Variants in USP9X observed in about 807,000 individuals in gnomAD.
USP9X encodes the protein ubiquitin specific peptidase 9 X-linked, also known as ubiquitin carboxyl-terminal hydrolase 9X.
Under a neutral mutation model 190.3 loss-of-function variants are expected in USP9X, and 7 were observed. That is an observed-to-expected ratio of 0.04 (90% CI 0.02 to 0.07). The LOEUF (loss-of-function observed/expected upper bound fraction) is 0.07. Ranked by LOEUF, USP9X falls within the 10% of genes least tolerant of loss-of-function variation. The pLI, the probability that USP9X is intolerant of heterozygous loss-of-function variation, is 1.00. For missense variants in USP9X, 1,010 were observed against 1,916.9 expected, an observed-to-expected ratio of 0.53 and a Z score of 8.83; for synonymous variants, 645 against 659.5, an observed-to-expected ratio of 0.98 and a Z score of 0.34.
intron 11 of USP9X, among the ~76,000 whole-genome samples, chrX:41,147,450 GTTTTTTT>G (rs760854080): frequency 2.9e-5 from 2 of 69,766 alleles, no homozygotes; most frequent in South Asian, 1.6e-3. Flanking sequence ...CTTAATCGTT[GTTTTTTT>G]TTTTTTTTTT....
chrX:41,136,991 T>C lies in USP9X; in HGVS notation c.623T>C (p.Phe208Ser), dbSNP rs773488247. 1 of 1,211,784 alleles carries C rather than the reference T, an allele frequency of 8.3e-7. No individual in the cohort carries two copies. The highest frequency in any genetic ancestry group is 1.8e-5 in the South Asian group (1 of 57,005). Residue 208 changes from phenylalanine to serine, a missense_variant, in exon 6 of 45, where the codon TTT (phenylalanine) becomes TCT (serine). By Grantham distance (155) the Phe-to-Ser change is radical. This residue lies in a region of USP9X where 176 missense variants were observed against 247.5 expected (regional missense o/e 0.71). Coordinates refer to ENST00000378308, the MANE Select transcript of USP9X (RefSeq NM_001039591.3). ...SSVQLPEDEL[F>S]ARSPDPRSPK... ...GTTCAGTTGCCTGAAGATGAACTCT[T>C]TGCTCGTTCTCCAGATCCTCGATCA...
rs1263746540 is a variant in USP9X at position 41,085,571 on chromosome X, C to T, written c.-697C>T. 3.8e-6 allele frequency: 1 copy of T among 261,537 alleles called. No homozygotes were observed. Among genetic ancestry groups the T allele is most frequent in the African/African-American group, 2.8e-5 (1 of 35,260 alleles). 21.6% of individuals were successfully genotyped at this position (261,537 alleles called of 1,213,427 possible). The stretch of plus-strand genomic sequence containing the variant: ...AGGGCCTCTGTCGCGCCTAGCCCCT[C>T]CCCGCCTTACACAGCTCCCGGGCCT... On this transcript the variant is annotated 5_prime_UTR_variant, in exon 1 of 45. Transcript: ENST00000378308.
intron 1 of USP9X, among the ~76,000 whole-genome samples, chrX:41,102,200 ATC>A (rs1479057220): frequency 3.6e-5 from 4 of 112,223 alleles, no homozygotes; most frequent in Non-Finnish European, 7.5e-5. Context: ...TATAATGATA[ATC>A]TCATTGATTA....
intron 1 of USP9X, among the ~76,000 whole-genome samples, chrX:41,094,724 C>G (rs192789369): frequency 7.5e-4 from 83 of 109,961 alleles, no homozygotes; most frequent in African/African-American, 2.6e-3. Context: ...ATATTACTTG[C>G]GGGTGAGTGA....
At chrX:41,120,799 A>T (rs1205095481) in intron 1 of USP9X, among the ~76,000 whole-genome samples, 3 of 107,084 alleles carry the variant, frequency 2.8e-5, no homozygotes, top group Non-Finnish European at 5.8e-5. Context: ...CGCCCAGCCA[A>T]CATATCTTAA....
At chrX:41,172,931 G>A (rs993683654) in intron 21 of USP9X, among the ~76,000 whole-genome samples, 3 of 111,437 alleles carry the variant, frequency 2.7e-5, no homozygotes, top group African/African-American at 9.8e-5. Flanking sequence ...TTATCCTTAC[G>A]TTTTGAAATA....
At chrX:41,132,810 A>T (rs929115231) in intron 4 of USP9X, among the ~76,000 whole-genome samples, 1 of 109,771 alleles carries the variant, frequency 9.1e-6, no homozygotes, top group African/African-American at 3.3e-5. Flanking sequence ...GAATCGGAAG[A>T]TGAAGTCTCA....
intron 13 of USP9X, among the ~76,000 whole-genome samples, chrX:41,151,801 C>T (rs201839617): frequency 6.2e-5 from 7 of 112,129 alleles, no homozygotes; most frequent in African/African-American, 9.7e-5. Context: ...GCCAACATGG[C>T]GAAACCCCGT....
chrX:41,085,939 G>C lies in USP9X; in HGVS notation c.-329G>C, dbSNP rs1416638242. On this transcript the variant is annotated 5_prime_UTR_variant, in exon 1 of 45. Coordinates refer to ENST00000378308, the MANE Select transcript of USP9X (RefSeq NM_001039591.3). ...CGGTGTGCAGCCTTTTGGTTGAGAC[G>C]CCCGCAGCCCCGAGCCCGGCCGCCG... The C allele has an allele frequency of 6.8e-6, 2 of 296,164 alleles. No homozygotes were observed. Among genetic ancestry groups the C allele is most frequent in the African/African-American group, 5.5e-5 (2 of 36,367 alleles). 24.4% of individuals were successfully genotyped at this position (296,164 alleles called of 1,213,427 possible).
intron 11 of USP9X, among the ~76,000 whole-genome samples, chrX:41,147,450 GT>G (rs760854080): frequency 0.017 from 1,200 of 69,672 alleles, 4 homozygotes; most frequent in African/African-American, 0.064. Context: ...CTTAATCGTT[GT>G]TTTTTTTTTT....
At chrX:41,123,252 G>T (rs1253562766) in intron 1 of USP9X, among the ~76,000 whole-genome samples, 2 of 111,761 alleles carry the variant, frequency 1.8e-5, no homozygotes, top group Non-Finnish European at 3.8e-5. Context: ...TTTCCAGGAG[G>T]CTATATTTGT....
rs146680375 is a variant in USP9X, at chrX:41,222,889, C to T, written c.6566-328C>T. Among the ~76,000 whole-genome samples, 82 of 111,389 alleles carry T rather than the reference C, an allele frequency of 7.4e-4. No individual in the cohort carries two copies. In the East Asian group the frequency reaches 0.014, roughly 18 times the overall value. ...ATCATGCTACTGCACTCCATCCTGG[C>T]GAGAGAGCGAGACTGTCTCAAAAAA... On this transcript the variant is annotated intron_variant, in intron 38 of 44. Transcript: ENST00000378308.
intron 1 of USP9X, among the ~76,000 whole-genome samples, chrX:41,098,195 C>T (rs2062006985): frequency 9.6e-6 from 1 of 104,053 alleles, no homozygotes; most frequent in Non-Finnish European, 2.0e-5. Context: ...GGCTGGAGTG[C>T]AGTGGTGTGA....
intron 1 of USP9X, among the ~76,000 whole-genome samples, chrX:41,103,593 T>C (rs2062049597): frequency 8.9e-6 from 1 of 112,636 alleles, no homozygotes; most frequent in African/African-American, 3.2e-5. Context: ...ATTAATAGTT[T>C]TATTTGTATT....
chrX:41,118,599 A>G (rs1192280186), intron 1 of USP9X, among the ~76,000 whole-genome samples: 1 of 111,438 alleles, frequency 9.0e-6, no homozygotes, highest in Non-Finnish European at 1.9e-5. Context: ...CTGGCCCCCT[A>G]CTTGCCCCAC....
intron 14 of USP9X, among the ~76,000 whole-genome samples, chrX:41,161,091 C>T (rs1355067864): frequency 9.0e-6 from 1 of 110,539 alleles, no homozygotes; most frequent in East Asian, 2.8e-4. Flanking sequence ...ACGTCAGTAA[C>T]GGAAACCCTG....
intron 32 of USP9X, among the ~76,000 whole-genome samples, chrX:41,208,348 C>T (rs949393487): frequency 1.8e-5 from 2 of 112,147 alleles, no homozygotes; most frequent in East Asian, 5.6e-4. Context: ...TTTAAACTTT[C>T]GTCTTGTCAT....
At chrX:41,137,382 A>G (rs1279116502) in intron 6 of USP9X, among the ~76,000 whole-genome samples, 1 of 111,555 alleles carries the variant, frequency 9.0e-6, no homozygotes, top group East Asian at 2.8e-4. Context: ...CTCCAAAATC[A>G]AGTATATCCT....
At chrX:41,138,180 G>A (rs2062392228) in intron 6 of USP9X, among the ~76,000 whole-genome samples, 1 of 111,553 alleles carries the variant, frequency 9.0e-6, no homozygotes, top group South Asian at 3.7e-4. Flanking sequence ...TGAAGTAAGA[G>A]AAATTTTATC....
Sources: gnomAD v4.1 joint callset for allele counts (sites outside exome capture counted in the v4.1 genomes callset) on GRCh38, gnomAD v4.1.1 for gene constraint, gnomAD v4.1.1 regional missense constraint, MANE v1.5 for transcripts, NCBI Gene and HGNC (gene_info 2026-07-23, HGNC 2026-07-21) for gene names.